The following ATP10B variants were observed in gnomAD, a reference collection of about 807,000 sequenced individuals.
ATP10B encodes the protein ATPase phospholipid transporting 10B (putative), also known as phospholipid-transporting ATPase VB.
Under a neutral mutation model 141.2 loss-of-function variants are expected in ATP10B, and 122 were observed. That is an observed-to-expected ratio of 0.86 (90% CI 0.75 to 1.00). ATP10B has a LOEUF of 1.00. Among genes scored for constraint, ATP10B ranks in the 50% least tolerant of loss-of-function variants. The pLI, the probability that ATP10B is intolerant of heterozygous loss-of-function variation, is 0.00. For synonymous variants in ATP10B, 685 were observed against 692.0 expected, an observed-to-expected ratio of 0.99 and a Z score of 0.16; for missense variants, 1,876 against 1,825.3, an observed-to-expected ratio of 1.03 and a Z score of -0.51.
the ATP10B span, among the ~76,000 whole-genome samples, chr5:160,884,710 A>T: frequency 6.6e-6 from 1 of 152,202 alleles, no homozygotes; most frequent in East Asian, 1.9e-4. Context: ...AAATATTTTT[A>T]AAAAATTTAA....
chr5:160,825,312 T>C (rs1774503580), intron 1 of ATP10B, among the ~76,000 whole-genome samples: 1 of 152,200 alleles, frequency 6.6e-6, no homozygotes, highest in Non-Finnish European at 1.5e-5. Context: ...GTGGGAGAAA[T>C]CCAGTGGGAG....
At chr5:160,785,452 A>T (rs1264729432) in intron 2 of ATP10B, 107 bp downstream of exon 2, 2 of 323,176 alleles carry the variant, frequency 6.2e-6, no homozygotes, top group African/African-American at 2.2e-5. Flanking sequence ...TTGTTTTTTT[A>T]ATTTAGACTC....
At chr5:160,630,874 TA>T (rs1388425222) in intron 13 of ATP10B, among the ~76,000 whole-genome samples, 1 of 152,186 alleles carries the variant, frequency 6.6e-6, no homozygotes, top group Non-Finnish European at 1.5e-5. Flanking sequence ...GTTAGATGAG[TA>T]ATGACCCAGA....
intron 2 of ATP10B, among the ~76,000 whole-genome samples, chr5:160,750,145 T>C (rs1052316950): frequency 1.3e-5 from 2 of 152,200 alleles, no homozygotes; most frequent in African/African-American, 4.8e-5. Flanking sequence ...ACGTACCCCA[T>C]ATTGGGGTCT....
intron 2 of ATP10B, among the ~76,000 whole-genome samples, chr5:160,753,375 G>A (rs1167112890): frequency 2.0e-5 from 3 of 152,176 alleles, no homozygotes; most frequent in Non-Finnish European, 4.4e-5. Flanking sequence ...AAAATTGCAT[G>A]CTTGCTCCTG....
intron 3 of ATP10B, among the ~76,000 whole-genome samples, chr5:160,716,346 T>G (rs2127776728): frequency 1.3e-5 from 2 of 152,322 alleles, no homozygotes; most frequent in South Asian, 4.1e-4. Flanking sequence ...TCAATATTAA[T>G]TCATATAACT....
the ATP10B span, among the ~76,000 whole-genome samples, chr5:160,893,990 T>G: frequency 6.6e-6 from 1 of 152,142 alleles, no homozygotes; most frequent in East Asian, 1.9e-4. Context: ...CAGAAAGGAA[T>G]AGTATCAACA....
chr5:160,737,818 A>T (rs1767225914), intron 2 of ATP10B, among the ~76,000 whole-genome samples: 1 of 152,188 alleles, frequency 6.6e-6, no homozygotes, highest in Non-Finnish European at 1.5e-5. Flanking sequence ...AAATATGTAA[A>T]GCAAACAATT....
At chr5:160,737,868 T>G (rs1202280732) in intron 2 of ATP10B, among the ~76,000 whole-genome samples, 1 of 152,098 alleles carries the variant, frequency 6.6e-6, no homozygotes, top group Non-Finnish European at 1.5e-5. Flanking sequence ...AGAATTATAG[T>G]TGGATATTTA....
chr5:160,597,580 A>G, intron 22 of ATP10B, among the ~76,000 whole-genome samples: 1 of 152,098 alleles, frequency 6.6e-6, no homozygotes, highest in African/African-American at 2.4e-5. Flanking sequence ...CTGCACAGCA[A>G]AAGAAACTAC....
At chr5:160,589,532 T>C in intron 24 of ATP10B, 60 bp downstream of exon 24, 1 of 1,296,828 alleles carries the variant, frequency 7.7e-7, no homozygotes, top group Non-Finnish European at 1.1e-6. Context: ...TTCAGAAATT[T>C]GAGTATAGTC....
the ATP10B span, among the ~76,000 whole-genome samples, chr5:160,860,646 T>G: frequency 1.3e-5 from 2 of 151,996 alleles, no homozygotes; most frequent in Non-Finnish European, 2.9e-5. Flanking sequence ...CAGGTTGCCT[T>G]AGTGGATAAC....
chr5:160,795,244 A>G (rs113967240), intron 1 of ATP10B, among the ~76,000 whole-genome samples: 13 of 152,344 alleles, frequency 8.5e-5, no homozygotes, highest in African/African-American at 3.1e-4. Flanking sequence ...CAATTGCAAA[A>G]TATCTTTCTT....
intron 1 of ATP10B, among the ~76,000 whole-genome samples, chr5:160,812,235 C>T (rs1019094472): frequency 6.6e-6 from 1 of 152,136 alleles, no homozygotes; most frequent in Non-Finnish European, 1.5e-5. Flanking sequence ...AATGCAGATA[C>T]AGTTAGATCA....
intron 2 of ATP10B, among the ~76,000 whole-genome samples, chr5:160,770,252 A>T (rs1430257784): frequency 6.7e-6 from 1 of 150,282 alleles, no homozygotes; most frequent in African/African-American, 2.5e-5. Context: ...GTCTTTCTGG[A>T]TGCCACTGGC....
intron 7 of ATP10B, among the ~76,000 whole-genome samples, chr5:160,666,036 T>C (rs1213412525): frequency 1.3e-5 from 2 of 152,202 alleles, no homozygotes; most frequent in Non-Finnish European, 2.9e-5. Context: ...GGGATAGTAA[T>C]GCCCACCTCC....
At chr5:160,581,632 T>C in intron 24 of ATP10B, among the ~76,000 whole-genome samples, 1 of 152,204 alleles carries the variant, frequency 6.6e-6, no homozygotes, top group Non-Finnish European at 1.5e-5. Context: ...TCTGTTGATT[T>C]GGGGTGTAGA....
Position 160,620,273 on chromosome 5 carries a change from C to G in ATP10B, c.2416+74G>C. On this transcript the variant is annotated intron_variant, in intron 15 of 25. Coordinates refer to ENST00000327245, the MANE Select transcript of ATP10B (RefSeq NM_025153.3). ...CCAGGTGACACTACAACTTGAGCTT[C>G]TTATTACCATTCCACACTGCTTCTT... 2.0e-6 allele frequency: 3 copies of G among 1,518,890 alleles called. No individual in the cohort carries two copies. In the South Asian group the frequency reaches 4.0e-5, roughly 20 times the overall value. The allele number at this position is 1,518,890 out of a possible 1,614,324, so 94.1% of individuals were successfully genotyped here. A position where few individuals can be genotyped will look rare whatever the true frequency, so the allele number is the denominator to read the frequency against.
intron 8 of ATP10B, among the ~76,000 whole-genome samples, chr5:160,648,751 A>G (rs1003072530): frequency 2.8e-4 from 42 of 152,120 alleles, no homozygotes; most frequent in African/African-American, 9.7e-4. Flanking sequence ...AATTTACCCA[A>G]GGTCATACAG....
Sources: allele counts gnomAD v4.1 joint callset (sites outside exome capture counted in the v4.1 genomes callset), GRCh38; gene constraint gnomAD v4.1.1; transcripts MANE v1.5; gene names NCBI Gene and HGNC (gene_info 2026-07-23, HGNC 2026-07-21).